PPP1R26: variants seen among roughly 807,000 people sequenced by gnomAD.
PPP1R26 encodes protein phosphatase 1 regulatory subunit 26, also known as 1A6/DRIM (down-regulated in metastasis) interacting protein.
A neutral mutation model predicts 67.6 loss-of-function variants in PPP1R26; 22 were observed. The ratio of observed to expected loss-of-function variants is 0.33; its 90% CI spans 0.23 to 0.46. PPP1R26 has a LOEUF of 0.46. Ranked by LOEUF, PPP1R26 falls within the 20% of genes least tolerant of loss-of-function variation. The pLI is 1.00. For missense variants in PPP1R26, 1,602 were observed against 1,651.4 expected (o/e 0.97, Z 0.52); for synonymous variants, 729 against 717.2 (o/e 1.02, Z -0.26).
In PPP1R26 at chr9:135,486,925, C is replaced by A; in HGVS notation, c.2415C>A (p.Ser805=). Residue 805 remains serine (S), a synonymous_variant, in exon 4 of 4, where the codon TCC becomes TCA. Transcript: ENST00000356818. The surrounding 1 kb of genome is among the most constrained non-coding windows in gnomAD (Gnocchi z 6.2). ...RVRRPASASA[S]EGNPFPRESQ... is the part of the protein sequence containing the mutation. ...GGAGACCCGCCTCCGCCTCTGCCTC[C>A]GAAGGGAATCCATTCCCCAGGGAGT... 1 of 1,612,956 alleles carries A rather than the reference C, an allele frequency of 6.2e-7. No homozygotes were observed. Among genetic ancestry groups the A allele is most frequent in the Non-Finnish European group, 8.5e-7 (1 of 1,180,020 alleles).
At chr9:135,484,296 C>T (rs749155865) in intron 3 of PPP1R26, 153 bp from the exon 4 acceptor site, 72 of 567,854 alleles carry the variant, frequency 1.3e-4, no homozygotes, top group Admixed American at 1.7e-4. Context: ...ATGAGTAAGT[C>T]GTGCAAGGAC....
chr9:135,488,131 G>A lies in PPP1R26; in HGVS notation c.3621G>A (p.Val1207=), dbSNP rs1325271557. Residue 1207 remains valine (V), a synonymous_variant, in exon 4 of 4, where the codon GTG becomes GTA. Transcript: ENST00000356818. The part of the protein sequence containing the change: ...STEDSGGSSV[V]KV ...AGGACAGTGGCGGCAGCTCAGTAGT[G>A]AAGGTCTAAGCCCTCGAGCTGTGGG... 7 of 1,519,038 alleles carry A rather than the reference G, an allele frequency of 4.6e-6. No homozygotes were observed. The highest frequency in any genetic ancestry group is 1.4e-5 in the African/African-American group (1 of 71,938). The allele number at this position is 1,519,038 out of a possible 1,614,324, so 94.1% of individuals were successfully genotyped here. A position where few individuals can be genotyped will look rare whatever the true frequency, so the allele number is the denominator to read the frequency against.
chr9:135,482,677 T>C lies in PPP1R26; in HGVS notation c.-328-6T>C, dbSNP rs1317599766. The C allele has an allele frequency of 2.5e-6, 1 of 398,472 alleles. No individual in the cohort carries two copies. Among genetic ancestry groups the C allele is most frequent in the Non-Finnish European group, 4.4e-6 (1 of 226,062 alleles). 24.7% of individuals were successfully genotyped at this position (398,472 alleles called of 1,614,324 possible). A position where few individuals can be genotyped will look rare whatever the true frequency, so the allele number is the denominator to read the frequency against. ...AGATGCCTCTGATTCTCTTTGATTCTGGTAGTCAAAAGTCTATTGAAAAAG... is the reference window on the plus strand; with the variant it reads ...AGATGCCTCTGATTCTCTTTGATTCCGGTAGTCAAAAGTCTATTGAAAAAG... On this transcript the variant is annotated splice_polypyrimidine_tract_variant and splice_region_variant and intron_variant, in intron 1 of 3. Coordinates refer to ENST00000356818, the MANE Select transcript of PPP1R26 (RefSeq NM_014811.5).
chr9:135,479,766 C>CCCCCG (rs1005405639), upstream of PPP1R26: 11 of 144,472 alleles, frequency 7.6e-5, no homozygotes, highest in Admixed American at 2.1e-4. The surrounding 1 kb of genome is among the most constrained non-coding windows in gnomAD (Gnocchi z 5.9). Flanking sequence ...GTCGCCCCGC[C>CCCCCG]CCCCGCCCCG....
rs895745807 is a variant in PPP1R26, at chr9:135,486,736, G to T, written c.2226G>T (p.Trp742Cys). ...AGCTGGGCGGGCTCCGGAGAGACTG[G>T]AAAGACAGGGGCCCGCCAGTGCTGA... ...LEQLGGLRRD[W>C]KDRGPPVLKS... is the part of the protein sequence containing the mutation. The change falls in exon 4 of 4, where the codon TGG (tryptophan) becomes TGT (cysteine). Residue 742 changes from tryptophan to cysteine, a missense_variant. By Grantham distance (215) the Trp-to-Cys change is radical. Around this residue, in one of 5 missense-constraint regions of PPP1R26, gnomAD observed 740 missense variants for 696.3 expected, o/e 1.06. Transcript: ENST00000356818. This position sits in a 1 kb window ranked among gnomAD's most constrained non-coding sequence, Gnocchi z 6.2. 2.5e-6 allele frequency: 4 copies of T among 1,568,792 alleles called. No homozygotes were observed. The highest frequency in any genetic ancestry group is 3.8e-5 in the Admixed American group (2 of 52,208).
rs1421140241 is a variant in PPP1R26, at chr9:135,483,112, C to T, written c.-196+297C>T. Among the ~76,000 whole-genome samples, 4 of 151,738 alleles carry T rather than the reference C, an allele frequency of 2.6e-5. No homozygotes were observed. In the East Asian group the frequency reaches 7.8e-4, roughly 30 times the overall value. ...TCGAGCAATTCTCCTGCCTCAGCCT[C>T]CCAAGTAGCTGGGATTACAGGCATG... On this transcript the variant is annotated intron_variant, in intron 2 of 3. Transcript: ENST00000356818.
Position 135,486,079 on chromosome 9 carries a change from C to T in PPP1R26, c.1569C>T (p.Gly523=), listed in dbSNP as rs750848391. 2.0e-5 allele frequency: 32 copies of T among 1,612,920 alleles called. No individual in the cohort carries two copies. Among genetic ancestry groups the T allele is most frequent in the Non-Finnish European group, 2.4e-5 (28 of 1,180,036 alleles). The change falls in exon 4 of 4, where the codon GGC becomes GGT. Residue 523 remains glycine, a synonymous_variant. Transcript: ENST00000356818. This position sits in a 1 kb window ranked among gnomAD's most constrained non-coding sequence, Gnocchi z 6.2. ...YSPNVPSRSD[G]DSSSVDSDDS... ...CGAACGTGCCTTCCCGCTCTGACGG[C>T]GACAGTAGCTCCGTGGACAGCGATG...
At position 135,485,709 on chromosome 9, in the gene PPP1R26, C is replaced by T; in HGVS notation, c.1199C>T (p.Pro400Leu). ...GTCCAACTCCGAGAGGAGAGAGCGC[C>T]TGACCCTCCCGCACACAGCACAAGC... ...QRVQLREERA[P>L]DPPAHSTSSA... The change falls in exon 4 of 4, where the codon CCT becomes CTT. Residue 400 changes from proline (P) to leucine (L), a missense_variant. Physicochemically the swap from Pro to Leu is moderately conservative, Grantham distance 98 (BLOSUM62 -3). This residue lies in a region of PPP1R26 where 680 missense variants were observed against 726.1 expected (regional missense o/e 0.94). Transcript: ENST00000356818. The surrounding 1 kb of genome is among the most constrained non-coding windows in gnomAD (Gnocchi z 7.2). The T allele has an allele frequency of 6.2e-7, 1 of 1,610,338 alleles. No homozygotes were observed. Among genetic ancestry groups the T allele is most frequent in the Non-Finnish European group, 8.5e-7 (1 of 1,179,980 alleles).
intron 1 of PPP1R26, among the ~76,000 whole-genome samples, chr9:135,481,085 A>G (rs1830499712): frequency 6.6e-6 from 1 of 152,046 alleles, no homozygotes; most frequent in African/African-American, 2.4e-5. Context: ...ACCGCTTCCT[A>G]AAATCTGACA....
chr9:135,487,785 G>T lies in PPP1R26; in HGVS notation c.3275G>T (p.Gly1092Val). The T allele has an allele frequency of 6.5e-7, 1 of 1,547,066 alleles. No individual in the cohort carries two copies. The highest frequency in any genetic ancestry group is 8.7e-7 in the Non-Finnish European group (1 of 1,151,352). Reference protein sequence around the residue: ...LSTQLFHFGKGVSWGGRQAGL... With the variant: ...LSTQLFHFGKVVSWGGRQAGL... ...ACCCAGCTCTTCCACTTTGGAAAGG[G>T]TGTCTCCTGGGGGGGCAGGCAGGCT... The change falls in exon 4 of 4, where the codon GGT becomes GTT. Residue 1092 changes from glycine to valine, a missense_variant. Gly to Val is a moderately radical substitution (Grantham distance 109). Coordinates refer to ENST00000356818, the MANE Select transcript of PPP1R26 (RefSeq NM_014811.5).
chr9:135,485,357 G>A lies in PPP1R26; in HGVS notation c.847G>A (p.Val283Ile), dbSNP rs35490599. Residue 283 changes from valine (V) to isoleucine (I), a missense_variant, in exon 4 of 4, where the codon GTC becomes ATC. Transcript: ENST00000356818. This position sits in a 1 kb window ranked among gnomAD's most constrained non-coding sequence, Gnocchi z 7.2. ...KVVHRQGLLGVQKEFAFRKPP... is the reference protein window; with the variant it reads ...KVVHRQGLLGIQKEFAFRKPP... ...GGTGCATCGGCAGGGCCTGCTGGGC[G>A]TCCAGAAGGAGTTTGCCTTCCGCAA... 2.7e-3 allele frequency: 4,309 copies of A among 1,612,826 alleles called. 74 individuals are homozygous for A. In the African/African-American group the frequency reaches 0.048, roughly 18 times the overall value.
In PPP1R26 at chr9:135,482,691, C is replaced by T; in HGVS notation, c.-320C>T. The T allele has an allele frequency of 2.5e-6, 1 of 398,390 alleles. No homozygotes were observed. Among genetic ancestry groups the T allele is most frequent in the Non-Finnish European group, 4.4e-6 (1 of 226,038 alleles). The allele number at this position is 398,390 out of a possible 1,614,324, so 24.7% of individuals were successfully genotyped here. The stretch of plus-strand genomic sequence containing the variant: ...CTCTTTGATTCTGGTAGTCAAAAGT[C>T]TATTGAAAAAGCAGAGAGAGAATGC... On this transcript the variant is annotated 5_prime_UTR_variant, in exon 2 of 4. Coordinates refer to ENST00000356818, the MANE Select transcript of PPP1R26 (RefSeq NM_014811.5).
At chr9:135,483,672 G>A (rs747178893) in intron 2 of PPP1R26, 46 of 253,672 alleles carry the variant, frequency 1.8e-4, no homozygotes, top group Admixed American at 3.3e-4. Context: ...GGCCATTCGT[G>A]AGCAGGTCTT....
chr9:135,484,363 A>G (rs1564204018), intron 3 of PPP1R26, 86 bp from the exon 4 acceptor site: 1 of 752,628 alleles, frequency 1.3e-6, no homozygotes, highest in Non-Finnish European at 2.1e-6. Context: ...TGAGCCCGAC[A>G]TGCTGTTCCT....
At chr9:135,480,327 C>T (rs1213321011) in intron 1 of PPP1R26, 1 of 152,028 alleles carries the variant, frequency 6.6e-6, no homozygotes, top group African/African-American at 2.4e-5. Flanking sequence ...GGCCGCTGCC[C>T]TCCGAGAATG....
At chr9:135,481,941 A>T (rs1157570861) in intron 1 of PPP1R26, among the ~76,000 whole-genome samples, 1 of 152,160 alleles carries the variant, frequency 6.6e-6, no homozygotes, top group Non-Finnish European at 1.5e-5. Context: ...ACCATTCTTG[A>T]ACTAGGTGAT....
chr9:135,486,698 C>G lies in PPP1R26; in HGVS notation c.2188C>G (p.His730Asp). ...KKVRFSTAQT[H>D]FLEQLGGLRR... ...GGTCAGGTTCAGCACAGCCCAGACG[C>G]ACTTCTTGGAGCAGCTGGGCGGGCT... Residue 730 changes from histidine to aspartate, a missense_variant, in exon 4 of 4, where the codon CAC becomes GAC. This residue lies in a region of PPP1R26 where 740 missense variants were observed against 696.3 expected (regional missense o/e 1.06). Transcript: ENST00000356818. The surrounding 1 kb of genome is among the most constrained non-coding windows in gnomAD (Gnocchi z 6.2). 1 of 1,595,736 alleles carries G rather than the reference C, an allele frequency of 6.3e-7. No individual in the cohort carries two copies. The highest frequency in any genetic ancestry group is 8.5e-7 in the Non-Finnish European group (1 of 1,171,754).
intron 1 of PPP1R26, among the ~76,000 whole-genome samples, chr9:135,481,241 T>G (rs1048227992): frequency 5.3e-5 from 8 of 149,536 alleles, no homozygotes; most frequent in African/African-American, 7.4e-5. Context: ...TTCTTGTTTT[T>G]TTTTTTTTTT....
At position 135,488,566 on chromosome 9, in the gene PPP1R26, C is replaced by T. The variant is rs1444707159; in HGVS notation, c.*426C>T. The T allele has an allele frequency of 5.9e-6, 1 of 168,180 alleles. No homozygotes were observed. Among genetic ancestry groups the T allele is most frequent in the Non-Finnish European group, 1.4e-5 (1 of 68,978 alleles). 10.4% of individuals were successfully genotyped at this position (168,180 alleles called of 1,614,324 possible). ...GTAGCCTGAGGAAGGCCAAGCTGCCCTCCCTGGGAATCACTCAGATGCCCC... is the reference window on the plus strand; with the variant it reads ...GTAGCCTGAGGAAGGCCAAGCTGCCTTCCCTGGGAATCACTCAGATGCCCC... On this transcript the variant is annotated 3_prime_UTR_variant, in exon 4 of 4. Transcript: ENST00000356818.
Sources: gnomAD v4.1 joint callset for allele counts (sites outside exome capture counted in the v4.1 genomes callset) on GRCh38, gnomAD v4.1.1 for gene constraint, gnomAD v4.1.1 regional missense constraint, Gnocchi (gnomAD v3.1) non-coding constraint, MANE v1.5 for transcripts, NCBI Gene and HGNC (gene_info 2026-07-23, HGNC 2026-07-21) for gene names.